Variants in SIPA1L1 observed in about 807,000 individuals in gnomAD.
SIPA1L1 encodes the protein signal induced proliferation associated 1 like 1.
SIPA1L1 carries 26 observed loss-of-function variants against 162.7 expected under a neutral mutation model. That is an observed-to-expected ratio of 0.16 (90% CI 0.12 to 0.22). The LOEUF is 0.22. Ranked by LOEUF, SIPA1L1 falls within the 10% of genes least tolerant of loss-of-function variation. The pLI is 1.00. For synonymous variants in SIPA1L1, 829 were observed against 837.4 expected, an observed-to-expected ratio of 0.99 and a Z score of 0.17; for missense variants, 1,874 against 2,241.0, an observed-to-expected ratio of 0.84 and a Z score of 3.31.
chr14:71,707,602 AG>A (rs1179166801), intron 16 of SIPA1L1, among the ~76,000 whole-genome samples: 1 of 152,206 alleles, frequency 6.6e-6, no homozygotes, highest in Non-Finnish European at 1.5e-5. Flanking sequence ...TATGTTCCCA[AG>A]ATTCATCCAT....
At chr14:71,695,206 T>G in intron 13 of SIPA1L1, among the ~76,000 whole-genome samples, 1 of 152,242 alleles carries the variant, frequency 6.6e-6, no homozygotes, top group East Asian at 1.9e-4. Context: ...TAATTCTGAA[T>G]TTTTCTTTGC....
intron 16 of SIPA1L1, among the ~76,000 whole-genome samples, chr14:71,708,676 A>G (rs1232546915): frequency 2.0e-5 from 3 of 152,192 alleles, no homozygotes; most frequent in Non-Finnish European, 4.4e-5. Context: ...CCATCATTTC[A>G]TGATAAACCT....
chr14:71,403,593 C>T (rs1174305376), intron 2 of SIPA1L1, among the ~76,000 whole-genome samples: 3 of 100,114 alleles, frequency 3.0e-5, no homozygotes, highest in Admixed American at 2.7e-4. Context: ...GGCTGAGACT[C>T]TGTCTCAAAA....
At chr14:71,703,208 A>G (rs1313362323) in intron 15 of SIPA1L1, among the ~76,000 whole-genome samples, 2 of 152,192 alleles carry the variant, frequency 1.3e-5, no homozygotes, top group African/African-American at 4.8e-5. Flanking sequence ...TGCATCATTA[A>G]CTTGAATCTA....
At chr14:71,525,196 T>A (rs1162105055) in intron 3 of SIPA1L1, among the ~76,000 whole-genome samples, 1 of 151,842 alleles carries the variant, frequency 6.6e-6, no homozygotes, top group Non-Finnish European at 1.5e-5. Flanking sequence ...TGACTTTTTT[T>A]TTTTTTGAGT....
intron 10 of SIPA1L1, among the ~76,000 whole-genome samples, chr14:71,663,628 C>T (rs539091877): frequency 6.6e-6 from 1 of 152,164 alleles, no homozygotes; most frequent in Non-Finnish European, 1.5e-5. Flanking sequence ...GTATGTTCTC[C>T]TTCTTCAGTG....
intron 2 of SIPA1L1, among the ~76,000 whole-genome samples, chr14:71,453,513 T>C (rs2141620561): frequency 6.6e-6 from 1 of 152,162 alleles, no homozygotes; most frequent in East Asian, 1.9e-4. Context: ...CACTCTAGGA[T>C]AGAAAATTAC....
intron 2 of SIPA1L1, among the ~76,000 whole-genome samples, chr14:71,464,409 G>A (rs1411697726): frequency 2.6e-5 from 4 of 152,172 alleles, no homozygotes; most frequent in East Asian, 1.9e-4. Context: ...TTGGGTCGCC[G>A]AGGTGGGCGG....
chr14:71,716,505 A>T (rs1380804313), intron 17 of SIPA1L1, among the ~76,000 whole-genome samples: 3 of 152,184 alleles, frequency 2.0e-5, no homozygotes, highest in African/African-American at 7.2e-5. Flanking sequence ...AAGTTTTCCC[A>T]TCAGCAGCTT....
At chr14:71,493,961 A>G (rs1200531345) in intron 2 of SIPA1L1, among the ~76,000 whole-genome samples, 1 of 152,260 alleles carries the variant, frequency 6.6e-6, no homozygotes, top group Non-Finnish European at 1.5e-5. Flanking sequence ...AGTCTTTACC[A>G]TGCAATAGCA....
chr14:71,701,328 C>A (rs2082087002), intron 14 of SIPA1L1, among the ~76,000 whole-genome samples: 1 of 152,020 alleles, frequency 6.6e-6, no homozygotes, highest in Non-Finnish European at 1.5e-5. Flanking sequence ...TCAAGCCATC[C>A]TCCCACCTCA....
At chr14:71,408,763 C>T (rs1033694699) in intron 2 of SIPA1L1, among the ~76,000 whole-genome samples, 2 of 152,186 alleles carry the variant, frequency 1.3e-5, no homozygotes, top group Non-Finnish European at 2.9e-5. Context: ...GGTTCAGAAT[C>T]ACAGCTGCAA....
rs1018604407 is a variant in SIPA1L1, at chr14:71,552,395, CT to C, written c.-303+23039del. Among the ~76,000 whole-genome samples the C allele has an allele frequency of 1.7e-3, 243 of 141,992 alleles. 2 individuals are homozygous for C. The highest frequency in any genetic ancestry group is 3.2e-3 in the East Asian group (16 of 4,962). 93.2% of individuals were successfully genotyped at this position (141,992 alleles called of 152,430 possible). A position where few individuals can be genotyped will look rare whatever the true frequency, so the allele number is the denominator to read the frequency against. On this transcript the variant is annotated intron_variant, in intron 4 of 23. Transcript: ENST00000381232. ...AAATGTATTTTCCCATACCCTATTT[CT>C]TTTTTTTTTTTTTGAGACGGAGTCC...
rs1475533632 is a variant in SIPA1L1, at chr14:71,609,449, T to C, written c.1499-9308T>C. The stretch of plus-strand genomic sequence containing the variant: ...GTGCCCAGCTAATATTTTATTTATT[T>C]ATTTATTTATTTATTTATTTATTTA... On this transcript the variant is annotated intron_variant, in intron 5 of 23. Coordinates refer to ENST00000381232, the MANE Select transcript of SIPA1L1 (RefSeq NM_001386936.1). 3.5e-5 allele frequency among the ~76,000 whole-genome samples: 5 copies of C among 144,522 alleles called. 1 individual carries two copies. The highest frequency in any genetic ancestry group is 4.0e-4 in the East Asian group (2 of 4,976). The allele number at this position is 144,522 out of a possible 152,430, so 94.8% of individuals were successfully genotyped here.
intron 2 of SIPA1L1, among the ~76,000 whole-genome samples, chr14:71,376,125 A>T (rs1258250513): frequency 6.6e-6 from 1 of 152,100 alleles, no homozygotes; most frequent in Non-Finnish European, 1.5e-5. Flanking sequence ...CTTTTTCTTG[A>T]ATGTTTCATA....
At chr14:71,731,342 A>C (rs75717848) in intron 20 of SIPA1L1, among the ~76,000 whole-genome samples, 66 of 152,010 alleles carry the variant, frequency 4.3e-4, no homozygotes, top group Non-Finnish European at 7.5e-4. Context: ...AAATCTCCTT[A>C]AATAAAGCTG....
chr14:71,738,161 T>TAAAAAAAAAAAAAAAAAAAAAAA (rs34549978), intron 22 of SIPA1L1, 80 bp from the exon 23 acceptor site: 3 of 324,174 alleles, frequency 9.3e-6, no homozygotes, highest in Non-Finnish European at 1.6e-5. Flanking sequence ...CTCCTCAGAG[T>TAAAAAAAAAAAAAAAAAAAAAAA]AAAAAAAAAA....
chr14:71,641,502 C>G (rs1475005178), intron 7 of SIPA1L1, among the ~76,000 whole-genome samples: 1 of 152,170 alleles, frequency 6.6e-6, no homozygotes, highest in Admixed American at 6.5e-5. Flanking sequence ...GCGGGCAGAT[C>G]ACGAGGTCAG....
At chr14:71,730,537 T>C (rs1444448794) in intron 20 of SIPA1L1, among the ~76,000 whole-genome samples, 3 of 152,192 alleles carry the variant, frequency 2.0e-5, no homozygotes, top group African/African-American at 7.2e-5. Flanking sequence ...CCTCCTGAGT[T>C]TGAATCTCCA....
Sources: allele counts gnomAD v4.1 joint callset (sites outside exome capture counted in the v4.1 genomes callset), GRCh38; gene constraint gnomAD v4.1.1; transcripts MANE v1.5; gene names NCBI Gene and HGNC (gene_info 2026-07-23, HGNC 2026-07-21).